LRP1B: variants seen among roughly 807,000 people sequenced by gnomAD.
The protein encoded by LRP1B is low-density lipoprotein receptor-related protein 1B.
In LRP1B, 217 loss-of-function variants were observed where a neutral mutation model predicts 556.6. The ratio of observed to expected loss-of-function variants is 0.39; its 90% CI spans 0.35 to 0.44. The LOEUF (loss-of-function observed/expected upper bound fraction) is 0.44. Among genes scored for constraint, LRP1B ranks in the 20% least tolerant of loss-of-function variants. The probability of loss-of-function intolerance (pLI) is 1.00; values close to 1 mark genes in which losing one functional copy is unlikely to be tolerated. For synonymous variants in LRP1B, 2,047 were observed against 1,865.8 expected (o/e 1.10, Z -2.50); for missense variants, 5,053 against 5,620.8 (o/e 0.90, Z 3.23).
intron 2 of LRP1B, among the ~76,000 whole-genome samples, chr2:141,620,008 C>G (rs1164333732): frequency 3.9e-5 from 6 of 152,132 alleles, no homozygotes; most frequent in African/African-American, 1.4e-4. Flanking sequence ...GGCTGGAGAG[C>G]GTGGTGCAAT....
intron 2 of LRP1B, among the ~76,000 whole-genome samples, chr2:141,540,905 G>C (rs757672692): frequency 6.6e-6 from 1 of 151,438 alleles, no homozygotes; most frequent in African/African-American, 2.4e-5. Flanking sequence ...TTTTTAGTTC[G>C]CACAAATAAA....
At chr2:141,988,072 AG>A (rs1702249448) in intron 1 of LRP1B, among the ~76,000 whole-genome samples, 1 of 151,922 alleles carries the variant, frequency 6.6e-6, no homozygotes, top group Non-Finnish European at 1.5e-5. Flanking sequence ...TTAAGGGTAT[AG>A]AATCAATAAC....
At chr2:142,025,029 C>A (rs960417175) in intron 1 of LRP1B, among the ~76,000 whole-genome samples, 1 of 151,958 alleles carries the variant, frequency 6.6e-6, no homozygotes, top group African/African-American at 2.4e-5. Flanking sequence ...GAAAGAAAAC[C>A]AAAGCAGAGG....
At chr2:141,052,768 G>T (rs1332588168) in intron 10 of LRP1B, among the ~76,000 whole-genome samples, 4 of 151,930 alleles carry the variant, frequency 2.6e-5, no homozygotes, top group Non-Finnish European at 4.4e-5. Flanking sequence ...CTCCCAAGTA[G>T]CTGGGTCTAC....
intron 3 of LRP1B, among the ~76,000 whole-genome samples, chr2:141,356,755 T>C (rs1688641452): frequency 6.6e-6 from 1 of 152,112 alleles, no homozygotes; most frequent in Non-Finnish European, 1.5e-5. Context: ...GTGTTGTATA[T>C]TTGCAGGAAA....
At position 141,442,423 on chromosome 2, in the gene LRP1B, TTC is replaced by T. The variant is rs1681012839; in HGVS notation, c.343+37971_343+37972del. On this transcript the variant is annotated intron_variant, in intron 3 of 90. Transcript: ENST00000389484. ...GTCTGTATGTTTTAATCTTCACACA[TTC>T]TTTTTTTTTTTTTTTTAATTATACT... Among the ~76,000 whole-genome samples, 16 of 124,814 alleles carry T rather than the reference TTC, an allele frequency of 1.3e-4. No individual in the cohort carries two copies. In the South Asian group the frequency reaches 4.6e-3, roughly 36 times the overall value. The allele number at this position is 124,814 out of a possible 152,430, so 81.9% of individuals were successfully genotyped here.
At chr2:141,056,349 T>C (rs1391079810) in intron 9 of LRP1B, among the ~76,000 whole-genome samples, 2 of 151,740 alleles carry the variant, frequency 1.3e-5, no homozygotes, top group African/African-American at 4.8e-5. Context: ...AAATATACCA[T>C]TATTTCTACA....
At chr2:140,276,111 T>G (rs980083782) in intron 84 of LRP1B, among the ~76,000 whole-genome samples, 1 of 152,022 alleles carries the variant, frequency 6.6e-6, no homozygotes, top group Non-Finnish European at 1.5e-5. Flanking sequence ...TGTGAAGCAA[T>G]ATTAAATGAG....
intron 7 of LRP1B, among the ~76,000 whole-genome samples, chr2:141,076,357 A>T (rs879025024): frequency 6.6e-6 from 1 of 152,180 alleles, no homozygotes; most frequent in Non-Finnish European, 1.5e-5. Flanking sequence ...GTATGCCAGC[A>T]ATTATATATT....
intron 2 of LRP1B, among the ~76,000 whole-genome samples, chr2:141,794,511 A>C (rs928854937): frequency 6.6e-6 from 1 of 151,962 alleles, no homozygotes; most frequent in Non-Finnish European, 1.5e-5. Context: ...GAGTTTCTAC[A>C]AATGAGCATA....
intron 2 of LRP1B, among the ~76,000 whole-genome samples, chr2:141,599,045 T>TCCCCCCCCCCCC (rs1559166868): frequency 6.9e-5 from 2 of 29,002 alleles, no homozygotes; most frequent in Non-Finnish European, 1.5e-4. Context: ...TTTGTTCAAC[T>TCCCCCCCCCCCC]CCCCCCCGCC....
intron 20 of LRP1B, among the ~76,000 whole-genome samples, chr2:140,948,196 T>C (rs1015412495): frequency 6.6e-6 from 1 of 152,130 alleles, no homozygotes; most frequent in African/African-American, 2.4e-5. Context: ...TTTAGGGCAA[T>C]TTAGATTTCA....
At chr2:142,082,335 CT>C (rs1298708562) in intron 1 of LRP1B, among the ~76,000 whole-genome samples, 1 of 151,862 alleles carries the variant, frequency 6.6e-6, no homozygotes, top group African/African-American at 2.4e-5. Flanking sequence ...ATTACTTTGG[CT>C]TTTTTTTCTC....
chr2:140,547,390 A>G (rs1400885726), intron 43 of LRP1B, among the ~76,000 whole-genome samples: 1 of 152,068 alleles, frequency 6.6e-6, no homozygotes, highest in African/African-American at 2.4e-5. Context: ...GGGAGGGTAT[A>G]TGTGTCCAGG....
At chr2:141,545,791 A>C (rs1045738152) in intron 2 of LRP1B, among the ~76,000 whole-genome samples, 1 of 152,166 alleles carries the variant, frequency 6.6e-6, no homozygotes, top group Non-Finnish European at 1.5e-5. Context: ...CTTTGAAGAC[A>C]AAAAGGCCAT....
At chr2:141,441,643 C>T (rs988666930) in intron 3 of LRP1B, among the ~76,000 whole-genome samples, 3 of 152,152 alleles carry the variant, frequency 2.0e-5, no homozygotes, top group Non-Finnish European at 1.5e-5. Flanking sequence ...CTAGCTTTTA[C>T]ACATTATACA....
chr2:141,802,139 T>A (rs1696028316), intron 2 of LRP1B, among the ~76,000 whole-genome samples: 1 of 152,150 alleles, frequency 6.6e-6, no homozygotes, highest in Non-Finnish European at 1.5e-5. Flanking sequence ...ACTTTTCTGT[T>A]GGCAACTCAG....
chr2:141,028,701 T>C (rs113323146), intron 11 of LRP1B, among the ~76,000 whole-genome samples: 4,001 of 152,176 alleles, frequency 0.026, 77 homozygotes, highest in Non-Finnish European at 0.032. Flanking sequence ...TTAGATCTTT[T>C]TAATCAGTTT....
chr2:141,083,342 G>C (rs1699971598), intron 7 of LRP1B, among the ~76,000 whole-genome samples: 1 of 151,424 alleles, frequency 6.6e-6, no homozygotes, highest in African/African-American at 2.4e-5. Context: ...TATTCAGACT[G>C]TGGTAAAATG....
Sources: gnomAD v4.1 joint callset for allele counts (sites outside exome capture counted in the v4.1 genomes callset) on GRCh38, gnomAD v4.1.1 for gene constraint, MANE v1.5 for transcripts, NCBI Gene and HGNC (gene_info 2026-07-23, HGNC 2026-07-21) for gene names.